The following CLIP1 variants were observed in gnomAD, a reference collection of about 807,000 sequenced individuals.
The protein encoded by CLIP1 is CAP-Gly domain containing linker protein 1, also known as CAP-Gly domain-containing linker protein 1.
Under a neutral mutation model 161.6 loss-of-function variants are expected in CLIP1, and 66 were observed. The observed-to-expected ratio is 0.41, with a 90% confidence interval of 0.33 to 0.50. The LOEUF is 0.50. Ranked by LOEUF, CLIP1 falls within the 20% of genes least tolerant of loss-of-function variation. CLIP1 has a pLI of 0.27. For synonymous variants in CLIP1, 598 were observed against 626.2 expected (o/e 0.96, Z 0.67); for missense variants, 1,376 against 1,702.0 (o/e 0.81, Z 3.37).
At chr12:122,366,479 C>T (rs1954177229) in intron 3 of CLIP1, among the ~76,000 whole-genome samples, 2 of 152,046 alleles carry the variant, frequency 1.3e-5, no homozygotes, top group African/African-American at 4.8e-5. Flanking sequence ...GAAACTGTTT[C>T]AAAAAATAAT....
At chr12:122,412,484 G>A (rs1468579795) in intron 1 of CLIP1, among the ~76,000 whole-genome samples, 2 of 151,942 alleles carry the variant, frequency 1.3e-5, no homozygotes, top group South Asian at 2.1e-4. Context: ...GCGAAACCCC[G>A]TCTCTACTAA....
intron 15 of CLIP1, among the ~76,000 whole-genome samples, chr12:122,331,600 A>G (rs111360982): frequency 6.6e-5 from 10 of 151,944 alleles, no homozygotes; most frequent in African/African-American, 2.4e-4. Flanking sequence ...TTTTTCTTTT[A>G]AATGGGAATA....
At position 122,309,789 on chromosome 12, in the gene CLIP1, G is replaced by T. The variant is rs375267504; in HGVS notation, c.3567C>A (p.Ser1189Arg). 5.0e-6 allele frequency: 8 copies of T among 1,613,074 alleles called. No individual in the cohort carries two copies. Among genetic ancestry groups the T allele is most frequent in the Non-Finnish European group, 6.8e-6 (8 of 1,180,026 alleles). Residue 1189 changes from serine (S) to arginine (R), a missense_variant, in exon 20 of 26, where the codon AGC becomes AGA. This residue lies in a region of CLIP1 where 948 missense variants were observed against 1,134.8 expected (regional missense o/e 0.84). Transcript: ENST00000620786. ...NVKLAEELGRSRDEVTSHQKL... is the reference protein window; with the variant it reads ...NVKLAEELGRRRDEVTSHQKL... Reference sequence around the variant, plus strand: ...TTTGATGACTTGTGACTTCGTCCCTGCTTCTCCCCAGCTCCTCAGCAAGTT... The same window carrying T: ...TTTGATGACTTGTGACTTCGTCCCTTCTTCTCCCCAGCTCCTCAGCAAGTT...
intron 3 of CLIP1, among the ~76,000 whole-genome samples, chr12:122,370,154 C>A (rs1178302421): frequency 7.2e-6 from 1 of 139,798 alleles, no homozygotes; most frequent in African/African-American, 2.6e-5. Flanking sequence ...CAGAGCAAAA[C>A]CTATCTCAAA....
At chr12:122,288,358 G>T in intron 21 of CLIP1, 131 bp downstream of exon 21, 1 of 760,522 alleles carries the variant, frequency 1.3e-6, no homozygotes, top group Non-Finnish European at 2.1e-6. Context: ...TCAGTTACAA[G>T]TACCAAACTA....
chr12:122,337,941 G>A (rs577457261), intron 11 of CLIP1, among the ~76,000 whole-genome samples: 1 of 151,690 alleles, frequency 6.6e-6, no homozygotes, highest in East Asian at 1.9e-4. Flanking sequence ...CTTGAACCTG[G>A]GAGGTGGAGG....
chr12:122,289,805 G>T (rs989196438), intron 20 of CLIP1, among the ~76,000 whole-genome samples: 5 of 136,772 alleles, frequency 3.7e-5, no homozygotes, highest in African/African-American at 8.1e-5. Flanking sequence ...CACTGTTAAT[G>T]TTTTTTTTTT....
intron 1 of CLIP1, among the ~76,000 whole-genome samples, chr12:122,402,681 C>T (rs1277976477): frequency 6.6e-6 from 1 of 152,092 alleles, no homozygotes; most frequent in African/African-American, 2.4e-5. Context: ...GAGGCTGAGG[C>T]AGGAGAATTG....
intron 1 of CLIP1, among the ~76,000 whole-genome samples, chr12:122,415,307 C>T (rs569370628): frequency 1.3e-5 from 2 of 150,574 alleles, no homozygotes; most frequent in Admixed American, 6.7e-5. Flanking sequence ...CAGTGAAACC[C>T]CATCTCTACT....
Position 122,279,208 on chromosome 12 carries a change from T to C in CLIP1, c.3648-63A>G. ...CGAAAGACTGGTCAGTGTACAACTG[T>C]TCTAGAACAAACACATAATTAATGT... On this transcript the variant is annotated intron_variant, in intron 21 of 25. Transcript: ENST00000620786. This position sits in a 1 kb window ranked among gnomAD's most constrained non-coding sequence, Gnocchi z 4.5. The C allele has an allele frequency of 9.5e-7, 1 of 1,052,144 alleles. No individual in the cohort carries two copies. The highest frequency in any genetic ancestry group is 1.4e-6 in the Non-Finnish European group (1 of 723,634). The allele number at this position is 1,052,144 out of a possible 1,614,324, so 65.2% of individuals were successfully genotyped here.
chr12:122,383,232 C>T (rs1955085513), intron 1 of CLIP1, among the ~76,000 whole-genome samples: 1 of 152,188 alleles, frequency 6.6e-6, no homozygotes, highest in Non-Finnish European at 1.5e-5. Flanking sequence ...TTCTGGAAAA[C>T]CTTTTACGGT....
intron 1 of CLIP1, among the ~76,000 whole-genome samples, chr12:122,397,184 C>T (rs1033616838): frequency 4.6e-5 from 7 of 152,066 alleles, no homozygotes; most frequent in Admixed American, 2.6e-4. Flanking sequence ...AGGCATGTGC[C>T]ACTCTAGGCC....
chr12:122,316,879 T>C (rs1951294039), intron 18 of CLIP1, 24 bp from the exon 19 acceptor site: 2 of 1,326,730 alleles, frequency 1.5e-6, no homozygotes, highest in Non-Finnish European at 2.1e-6. Context: ...AGAAAAAAAC[T>C]TGATGAAATT....
At chr12:122,298,316 T>C (rs1441489919) in intron 20 of CLIP1, among the ~76,000 whole-genome samples, 3 of 152,130 alleles carry the variant, frequency 2.0e-5, no homozygotes, top group African/African-American at 7.2e-5. Context: ...GTAAGAATAT[T>C]TACATCTTCA....
At chr12:122,390,204 AT>A in intron 1 of CLIP1, among the ~76,000 whole-genome samples, 2 of 136,576 alleles carry the variant, frequency 1.5e-5, no homozygotes, top group South Asian at 4.5e-4. Context: ...TATAATATAT[AT>A]ATACACACAT....
chr12:122,410,117 C>T (rs1378257252), intron 1 of CLIP1, among the ~76,000 whole-genome samples: 1 of 151,940 alleles, frequency 6.6e-6, no homozygotes, highest in African/African-American at 2.4e-5. Flanking sequence ...AGTGATCCAC[C>T]CACCTCAGCC....
intron 20 of CLIP1, among the ~76,000 whole-genome samples, chr12:122,309,297 G>C (rs1387479873): frequency 6.6e-6 from 1 of 152,156 alleles, no homozygotes; most frequent in African/African-American, 2.4e-5. Flanking sequence ...GCTTAAGCAT[G>C]TTTTTTAATT....
At chr12:122,349,674 C>G (rs763362193) in intron 9 of CLIP1, among the ~76,000 whole-genome samples, 1 of 152,176 alleles carries the variant, frequency 6.6e-6, no homozygotes, top group Non-Finnish European at 1.5e-5. Flanking sequence ...CACAGAGTAT[C>G]CCAAGAGGAA....
At chr12:122,347,760 C>T (rs1952818834) in intron 9 of CLIP1, among the ~76,000 whole-genome samples, 1 of 152,028 alleles carries the variant, frequency 6.6e-6, no homozygotes, top group African/African-American at 2.4e-5. Flanking sequence ...AGGCATGCAG[C>T]CAAATATAAG....
Sources: gnomAD v4.1 joint callset for allele counts (sites outside exome capture counted in the v4.1 genomes callset) on GRCh38, gnomAD v4.1.1 for gene constraint, gnomAD v4.1.1 regional missense constraint, Gnocchi (gnomAD v3.1) non-coding constraint, MANE v1.5 for transcripts, NCBI Gene and HGNC (gene_info 2026-07-23, HGNC 2026-07-21) for gene names.